Variants in AHI1 observed in about 807,000 individuals in gnomAD.
The protein encoded by AHI1 is Abelson helper integration site 1.
AHI1 carries 123 observed loss-of-function variants against 149.3 expected under a neutral mutation model. That is an observed-to-expected ratio of 0.82 (90% CI 0.71 to 0.96). AHI1 has a LOEUF of 0.96. Ranked by LOEUF, AHI1 falls within the 40% of genes least tolerant of loss-of-function variation. The pLI is 0.00. For synonymous variants in AHI1, 475 were observed against 459.8 expected (o/e 1.03, Z -0.42); for missense variants, 1,439 against 1,422.7 (o/e 1.01, Z -0.18).
intron 8 of AHI1, among the ~76,000 whole-genome samples, chr6:135,461,056 T>C (rs1789802805): frequency 6.6e-6 from 1 of 151,858 alleles, no homozygotes; most frequent in African/African-American, 2.4e-5. Flanking sequence ...AGGAAAAAAA[T>C]GGATAAACTG....
At chr6:135,329,151 T>C (rs1788155028) in intron 24 of AHI1, among the ~76,000 whole-genome samples, 1 of 152,360 alleles carries the variant, frequency 6.6e-6, no homozygotes, top group Non-Finnish European at 1.5e-5. Flanking sequence ...CAGCAAGTTA[T>C]CCAGCTCTAG....
chr6:135,444,578 G>A (rs568880735), intron 13 of AHI1, among the ~76,000 whole-genome samples: 4 of 152,250 alleles, frequency 2.6e-5, no homozygotes, highest in Admixed American at 2.6e-4. Flanking sequence ...ACTGTTGAAT[G>A]AGCCCTTCTT....
At chr6:135,302,647 A>C (rs1021538042) in intron 26 of AHI1, 1 of 1,166,368 alleles carries the variant, frequency 8.6e-7, no homozygotes, top group African/African-American at 1.6e-5. Context: ...AAAGTTTACC[A>C]CTTACTTGAA....
At chr6:135,303,026 GA>G (rs1784087298) in intron 26 of AHI1, among the ~76,000 whole-genome samples, 1 of 152,212 alleles carries the variant, frequency 6.6e-6, no homozygotes, top group South Asian at 2.1e-4. Flanking sequence ...AGTGACGAGT[GA>G]AAGGACCAGA....
intron 23 of AHI1, among the ~76,000 whole-genome samples, chr6:135,375,119 A>G (rs765559442): frequency 1.6e-4 from 25 of 152,230 alleles, no homozygotes; most frequent in Non-Finnish European, 2.5e-4. Flanking sequence ...AGGAGTATCT[A>G]GTTGGAACAT....
rs545841352 is a variant in AHI1, at chr6:135,455,774, C to A, written c.1304G>T (p.Arg435Leu). 9 of 1,603,212 alleles carry A rather than the reference C, an allele frequency of 5.6e-6. No individual in the cohort carries two copies. Among genetic ancestry groups the A allele is most frequent in the South Asian group, 1.1e-5 (1 of 88,896 alleles). ...VFNENFPYLL[R>L]GSDESPKVIL... ...GACTTTAGGACTCTCATCAGAGCCT[C>A]GAAGCAAATAGGGAAAATTTTCATT... Residue 435 changes from arginine to leucine, a missense_variant, in exon 10 of 29, where the codon CGA becomes CTA. Arg to Leu is a moderately radical substitution (Grantham distance 102). Coordinates refer to ENST00000265602, the MANE Select transcript of AHI1 (RefSeq NM_001134831.2).
intron 20 of AHI1, among the ~76,000 whole-genome samples, chr6:135,414,187 T>A (rs1348058751): frequency 6.6e-6 from 1 of 152,150 alleles, no homozygotes; most frequent in East Asian, 1.9e-4. Flanking sequence ...ATAAAGGCCA[T>A]TCAGTGGAGA....
At chr6:135,365,604 T>G (rs1453818676) in intron 23 of AHI1, among the ~76,000 whole-genome samples, 1 of 152,242 alleles carries the variant, frequency 6.6e-6, no homozygotes, top group Non-Finnish European at 1.5e-5. Flanking sequence ...CTTGGTTTGA[T>G]TCTCAGCTTG....
At chr6:135,480,885 G>A (rs1211875105) in intron 5 of AHI1, among the ~76,000 whole-genome samples, 1 of 152,186 alleles carries the variant, frequency 6.6e-6, no homozygotes, top group Non-Finnish European at 1.5e-5. Context: ...TATTACAAAT[G>A]ACGCAGGCAA....
intron 21 of AHI1, among the ~76,000 whole-genome samples, chr6:135,407,645 T>C (rs1780978781): frequency 6.6e-6 from 1 of 152,132 alleles, no homozygotes; most frequent in Admixed American, 6.5e-5. Context: ...CTAAATAAAG[T>C]AATAATTCAA....
intron 20 of AHI1, among the ~76,000 whole-genome samples, chr6:135,421,677 C>T (rs1783182872): frequency 6.6e-6 from 1 of 152,032 alleles, no homozygotes; most frequent in Non-Finnish European, 1.5e-5. Flanking sequence ...AAAAAAATGT[C>T]TTAAAGAGGA....
intron 8 of AHI1, 22 bp downstream of exon 8, chr6:135,463,103 T>C (rs1790174722): frequency 6.5e-7 from 1 of 1,542,748 alleles, no homozygotes; most frequent in Non-Finnish European, 8.7e-7. Context: ...ACACAATTTT[T>C]CATTTAATTT....
chr6:135,483,440 C>T (rs4259266), intron 5 of AHI1, among the ~76,000 whole-genome samples: 116,019 of 152,086 alleles, frequency 0.76, 48,696 homozygotes, highest in Non-Finnish European at 0.91. Flanking sequence ...GATGAAGAAG[C>T]TATCACTTCT....
Position 135,497,176 on chromosome 6 carries a change from C to T in AHI1, c.-140+12G>A, listed in dbSNP as rs917990084. On this transcript the variant is annotated intron_variant, in intron 2 of 28. Coordinates refer to ENST00000265602, the MANE Select transcript of AHI1 (RefSeq NM_001134831.2). ...TATAATTTGGCTCTTATAAATATAA[C>T]AAATTGATCACCTTTTCTCAGACAT... 2.0e-5 allele frequency: 3 copies of T among 152,186 alleles called. No homozygotes were observed. Among genetic ancestry groups the T allele is most frequent in the African/African-American group, 7.2e-5 (3 of 41,440 alleles). The allele number at this position is 152,186 out of a possible 1,614,324, so 9.4% of individuals were successfully genotyped here.
At chr6:135,484,197 G>A (rs150442628) in intron 5 of AHI1, among the ~76,000 whole-genome samples, 6 of 152,228 alleles carry the variant, frequency 3.9e-5, no homozygotes, top group Non-Finnish European at 8.8e-5. Context: ...CTGCTCCCAT[G>A]ATTCAATTAC....
rs576859418 is a variant in AHI1, at chr6:135,427,225, A to G, written c.2706T>C (p.Val902=). Residue 902 remains valine (V), a synonymous_variant, in exon 20 of 29, where the codon GTT becomes GTC. Coordinates refer to ENST00000265602, the MANE Select transcript of AHI1 (RefSeq NM_001134831.2). The stretch of plus-strand genomic sequence containing the variant: ...CATTTTGCCCAAATGCACAGAATGC[A>G]ACCATATTTTCAAATGGATGATAAG... The part of the protein sequence containing the change: ...DISYHPFENM[V]AFCAFGQNEP... 6.4e-5 allele frequency: 103 copies of G among 1,610,868 alleles called. No individual in the cohort carries two copies. The South Asian group carries it at 9.0e-4, about 14-fold the overall frequency.
intron 24 of AHI1, among the ~76,000 whole-genome samples, chr6:135,332,837 G>T (rs527960369): frequency 6.6e-6 from 1 of 152,080 alleles, no homozygotes; most frequent in Non-Finnish European, 1.5e-5. Flanking sequence ...TTCTCCCCCC[G>T]TTCCTTCTCT....
At chr6:135,398,235 T>C (rs929021202) in intron 22 of AHI1, among the ~76,000 whole-genome samples, 2 of 152,142 alleles carry the variant, frequency 1.3e-5, no homozygotes, top group Admixed American at 6.5e-5. Flanking sequence ...GCTCTTGTGA[T>C]TTCTAGCTTA....
intron 8 of AHI1, among the ~76,000 whole-genome samples, chr6:135,459,627 C>T (rs1442585520): frequency 6.6e-6 from 1 of 151,240 alleles, no homozygotes; most frequent in Non-Finnish European, 1.5e-5. Context: ...AACAAACTGC[C>T]AATACCATGA....
Sources: allele counts gnomAD v4.1 joint callset (sites outside exome capture counted in the v4.1 genomes callset), GRCh38; gene constraint gnomAD v4.1.1; transcripts MANE v1.5; gene names NCBI Gene and HGNC (gene_info 2026-07-23, HGNC 2026-07-21).